Variants in MYH11 observed in about 807,000 individuals in gnomAD.
MYH11 encodes myosin heavy chain 11.
MYH11 carries 80 observed loss-of-function variants against 246.6 expected under a neutral mutation model. The observed-to-expected ratio is 0.32, with a 90% CI of 0.27 to 0.39. MYH11 has a LOEUF of 0.39. Among genes scored for constraint, MYH11 ranks in the 10% least tolerant of loss-of-function variants. The pLI is 1.00. For missense variants in MYH11, 2,158 were observed against 2,546.8 expected (o/e 0.85, Z 3.29); for synonymous variants, 1,071 against 1,015.5 (o/e 1.05, Z -1.04).
intron 40 of MYH11, among the ~76,000 whole-genome samples, chr16:15,706,459 A>G (rs1263644845): frequency 3.3e-5 from 5 of 152,136 alleles, no homozygotes; most frequent in African/African-American, 1.2e-4. Flanking sequence ...TAATCCCAGC[A>G]CTTGGGGAGG....
chr16:15,829,624 C>A (rs2043674193), intron 2 of MYH11, among the ~76,000 whole-genome samples: 1 of 152,184 alleles, frequency 6.6e-6, no homozygotes, highest in African/African-American at 2.4e-5. Context: ...CCTCCTGTGT[C>A]CCAGCCGGCA....
chr16:15,737,529 G>T lies in MYH11; in HGVS notation c.3213C>A (p.Ile1071=). 1 of 1,614,030 alleles carries T rather than the reference G, an allele frequency of 6.2e-7. No homozygotes were observed. The highest frequency in any genetic ancestry group is 8.5e-7 in the Non-Finnish European group (1 of 1,180,036). ...EGDASDFHEQ[I]ADLQAQIAEL... is the part of the protein sequence containing the mutation. ...CTGCGATCTGCGCCTGGAGGTCAGC[G>T]ATCTGCTCGTGGAAGTCGCTGGCAT... is the stretch of plus-strand genomic sequence containing the variant. Residue 1071 remains isoleucine, a synonymous_variant, in exon 25 of 41, where the codon ATC becomes ATA. Coordinates refer to ENST00000300036, the MANE Select transcript of MYH11 (RefSeq NM_002474.3).
At chr16:15,837,184 C>T (rs954343184) in intron 2 of MYH11, among the ~76,000 whole-genome samples, 1 of 152,200 alleles carries the variant, frequency 6.6e-6, no homozygotes, top group African/African-American at 2.4e-5. Context: ...GAAGGCCTCC[C>T]TAAAACCTAG....
At position 15,725,460 on chromosome 16, in the gene MYH11, T is replaced by G. The variant is rs2040706847; in HGVS notation, c.3859-468A>C. The G allele has an allele frequency of 7.3e-6, 3 of 413,062 alleles. No homozygotes were observed. The highest frequency in any genetic ancestry group is 1.2e-5 in the Non-Finnish European group (3 of 246,904). The allele number at this position is 413,062 out of a possible 1,614,324, so 25.6% of individuals were successfully genotyped here. A position where few individuals can be genotyped will look rare whatever the true frequency, so the allele number is the denominator to read the frequency against. On this transcript the variant is annotated intron_variant, in intron 28 of 40. Transcript: ENST00000300036. ...CCCTTCCTTCCTCACTCCTACTCTTTGACCCTGATGGCCAAAGCCAGAGAC... is the reference window on the plus strand; with the variant it reads ...CCCTTCCTTCCTCACTCCTACTCTTGGACCCTGATGGCCAAAGCCAGAGAC...
chr16:15,839,251 G>C (rs2043988092), intron 1 of MYH11, among the ~76,000 whole-genome samples: 2 of 151,860 alleles, frequency 1.3e-5, no homozygotes, highest in African/African-American at 4.8e-5. Context: ...TGGAAACTCA[G>C]TAAAAGGAAA....
At chr16:15,847,987 A>G (rs2044239148) in intron 1 of MYH11, among the ~76,000 whole-genome samples, 1 of 152,104 alleles carries the variant, frequency 6.6e-6, no homozygotes, top group Non-Finnish European at 1.5e-5. Context: ...GGAAGGTGCT[A>G]CATATTCCCC....
intron 34 of MYH11, 112 bp from the exon 35 acceptor site, chr16:15,719,825 G>A: frequency 6.8e-7 from 1 of 1,470,254 alleles, no homozygotes; most frequent in Non-Finnish European, 9.4e-7. Flanking sequence ...TGACCACAAA[G>A]AAGTTCCCAT....
At chr16:15,834,217 G>A (rs1318946604) in intron 2 of MYH11, among the ~76,000 whole-genome samples, 4 of 151,948 alleles carry the variant, frequency 2.6e-5, no homozygotes, top group South Asian at 2.1e-4. Context: ...CCCTACAGAC[G>A]GGCCTCTTTA....
At chr16:15,833,409 AAGGG>A (rs796568888) in intron 2 of MYH11, among the ~76,000 whole-genome samples, 140 of 148,710 alleles carry the variant, frequency 9.4e-4, no homozygotes, top group Non-Finnish European at 1.6e-3. Context: ...GGAAGGAAGG[AAGGG>A]AGGAACGAAC....
intron 3 of MYH11, among the ~76,000 whole-genome samples, chr16:15,799,129 A>G (rs2042822369): frequency 6.6e-6 from 1 of 152,082 alleles, no homozygotes. Context: ...TATTGTGCAC[A>G]TTTGTGTTTT....
chr16:15,717,722 G>A (rs1047471179), intron 37 of MYH11: 13 of 328,076 alleles, frequency 4.0e-5, no homozygotes, highest in Non-Finnish European at 6.3e-5. Context: ...CTTGAACTTG[G>A]GAGGCAGAGG....
At chr16:15,722,317 G>T (rs895813344) in intron 31 of MYH11, among the ~76,000 whole-genome samples, 3 of 152,228 alleles carry the variant, frequency 2.0e-5, no homozygotes, top group African/African-American at 7.2e-5. Flanking sequence ...GCCTCAGTAG[G>T]GAAATGGTAA....
chr16:15,758,271 G>A (rs2041782857), intron 12 of MYH11, among the ~76,000 whole-genome samples: 1 of 152,160 alleles, frequency 6.6e-6, no homozygotes, highest in African/African-American at 2.4e-5. Context: ...ACCTCGTAAG[G>A]CACGCTACTG....
intron 1 of MYH11, among the ~76,000 whole-genome samples, chr16:15,848,228 C>CTTT (rs71134473): frequency 4.8e-5 from 5 of 104,380 alleles, no homozygotes; most frequent in Admixed American, 1.1e-4. Flanking sequence ...GTTGCTAAGT[C>CTTT]TTTTTTTTTT....
intron 40 of MYH11, among the ~76,000 whole-genome samples, chr16:15,704,758 T>G (rs1319075012): frequency 1.3e-5 from 2 of 152,230 alleles, no homozygotes; most frequent in Non-Finnish European, 2.9e-5. Context: ...GCATCTGTTT[T>G]GCTGATCGTG....
chr16:15,786,085 C>T (rs764219873), intron 5 of MYH11: 5 of 263,500 alleles, frequency 1.9e-5, no homozygotes, highest in South Asian at 9.3e-5. Context: ...TGGAGGAATC[C>T]GGGAACCCAA....
At chr16:15,717,521 G>C in intron 37 of MYH11, 173 bp from the exon 38 acceptor site, 1 of 668,344 alleles carries the variant, frequency 1.5e-6, no homozygotes, top group Non-Finnish European at 2.6e-6. Flanking sequence ...CAGGCCGGGC[G>C]TGGTGGCGCA....
intron 10 of MYH11, 36 bp downstream of exon 10, chr16:15,763,760 C>CCCCCCCCAAAAA: frequency 8.4e-7 from 1 of 1,192,092 alleles, no homozygotes; most frequent in Non-Finnish European, 1.3e-6. Context: ...CCCCCAACCC[C>CCCCCCCCAAAAA]AAAGTCATTG....
At position 15,718,054 on chromosome 16, in the gene MYH11, G is replaced by C. The variant is rs2151200445; in HGVS notation, c.5295+261C>G. ...AGAGCATCCCAAGGCCCGGACTCCAGGGATGGCCGTGAGGTACGGGGAGCC... is the reference window on the plus strand; with the variant it reads ...AGAGCATCCCAAGGCCCGGACTCCACGGATGGCCGTGAGGTACGGGGAGCC... On this transcript the variant is annotated intron_variant, in intron 37 of 40. Transcript: ENST00000300036. The C allele has an allele frequency of 8.8e-6, 5 of 570,180 alleles. 1 individual carries two copies. In the South Asian group the frequency reaches 1.0e-4, roughly 12 times the overall value. 35.3% of individuals were successfully genotyped at this position (570,180 alleles called of 1,614,324 possible).
Sources: allele counts gnomAD v4.1 joint callset (sites outside exome capture counted in the v4.1 genomes callset), GRCh38; gene constraint gnomAD v4.1.1; transcripts MANE v1.5; gene names NCBI Gene and HGNC (gene_info 2026-07-23, HGNC 2026-07-21).